DYNC2H1: variants seen among roughly 807,000 people sequenced by gnomAD.
DYNC2H1 encodes cytoplasmic dynein 2 heavy chain 1.
In DYNC2H1, 410 loss-of-function variants were observed where a neutral mutation model predicts 570.0. That is an observed-to-expected ratio of 0.72 (90% confidence interval 0.66 to 0.78). DYNC2H1 has a LOEUF of 0.78. DYNC2H1 is among the 30% of genes least tolerant of loss of function. The probability of loss-of-function intolerance (pLI) is 0.00; values close to 1 mark genes in which losing one functional copy is unlikely to be tolerated. For missense variants in DYNC2H1, 4,865 were observed against 5,046.4 expected (o/e 0.96, Z 1.09); for synonymous variants, 1,688 against 1,677.6 (o/e 1.01, Z -0.15).
In DYNC2H1 at chr11:103,300,070, T is replaced by C. The variant is rs956504021; in HGVS notation, c.11096-3023T>C. On this transcript the variant is annotated intron_variant, in intron 75 of 88. Transcript: ENST00000375735. The stretch of plus-strand genomic sequence containing the variant: ...TCTGATACTTATCAGCTCTTTGTTA[T>C]GGAGGATGAGAGGAATTAAAAAGAA... Among the ~76,000 whole-genome samples the C allele has an allele frequency of 6.6e-5, 10 of 152,176 alleles. No individual in the cohort carries two copies. In the South Asian group the frequency reaches 1.5e-3, roughly 22 times the overall value.
At chr11:103,167,770 A>AT (rs1861392534) in intron 31 of DYNC2H1, among the ~76,000 whole-genome samples, 1 of 152,118 alleles carries the variant, frequency 6.6e-6, no homozygotes, top group Non-Finnish European at 1.5e-5. Flanking sequence ...GAACATTGAT[A>AT]TTTTTGTTTT....
intron 70 of DYNC2H1, among the ~76,000 whole-genome samples, chr11:103,278,395 A>C (rs1397794377): frequency 6.6e-6 from 1 of 152,170 alleles, no homozygotes; most frequent in African/African-American, 2.4e-5. Context: ...TCTAATTATT[A>C]AAATAATGCA....
intron 82 of DYNC2H1, among the ~76,000 whole-genome samples, chr11:103,349,587 G>T (rs1234802243): frequency 6.6e-6 from 1 of 152,130 alleles, no homozygotes; most frequent in Non-Finnish European, 1.5e-5. Flanking sequence ...ATAATGAAGT[G>T]TCAGCCTAGT....
chr11:103,241,662 GCACCATGGTAA>G lies in DYNC2H1; in HGVS notation c.9820-2027_9820-2017del. 1.2e-6 allele frequency: 1 copy of G among 828,024 alleles called. No individual in the cohort carries two copies. The highest frequency in any genetic ancestry group is 1.9e-6 in the Non-Finnish European group (1 of 528,288). 51.3% of individuals were successfully genotyped at this position (828,024 alleles called of 1,614,324 possible). On this transcript the variant is annotated intron_variant, in intron 63 of 88. Transcript: ENST00000375735. The surrounding 1 kb of genome is among the most constrained non-coding windows in gnomAD (Gnocchi z 5.1). ...AAATTAGATCAAAAACCTAGGTGCAGCACCATGGTAACACTTCACAGGCTATTTACTAACCA... is the reference window on the plus strand; with the variant it reads ...AAATTAGATCAAAAACCTAGGTGCAGCACTTCACAGGCTATTTACTAACCA...
intron 82 of DYNC2H1, among the ~76,000 whole-genome samples, chr11:103,340,573 T>C (rs1939394601): frequency 6.6e-6 from 1 of 152,204 alleles, no homozygotes; most frequent in African/African-American, 2.4e-5. Flanking sequence ...AATGAAGTTG[T>C]TCATTTCTTC....
intron 70 of DYNC2H1, among the ~76,000 whole-genome samples, chr11:103,276,130 A>G (rs1291204849): frequency 1.3e-5 from 2 of 151,966 alleles, no homozygotes; most frequent in Non-Finnish European, 2.9e-5. Context: ...ACTTTTTTTT[A>G]CATGGTCACA....
chr11:103,158,847 A>G, intron 27 of DYNC2H1, 38 bp downstream of exon 27: 1 of 1,471,240 alleles, frequency 6.8e-7, no homozygotes, highest in Non-Finnish European at 9.1e-7. Flanking sequence ...ATAAATTGTA[A>G]AGTACTTGAT....
chr11:103,213,396 A>G (rs930580995), intron 54 of DYNC2H1, among the ~76,000 whole-genome samples: 4 of 152,130 alleles, frequency 2.6e-5, no homozygotes, highest in Non-Finnish European at 5.9e-5. Context: ...AGTGTTTTTT[A>G]TTAAGTTCAG....
chr11:103,307,207 A>G (rs1259992334), intron 77 of DYNC2H1, among the ~76,000 whole-genome samples: 1 of 152,170 alleles, frequency 6.6e-6, no homozygotes, highest in African/African-American at 2.4e-5. Context: ...TGAAGTTTTG[A>G]ATTTATATTA....
chr11:103,238,743 T>C (rs144336846), intron 63 of DYNC2H1, among the ~76,000 whole-genome samples: 3 of 152,354 alleles, frequency 2.0e-5, no homozygotes, highest in African/African-American at 7.2e-5. Context: ...AGCTAACTAT[T>C]GAAGTGCATG....
At position 103,194,790 on chromosome 11, in the gene DYNC2H1, T is replaced by G. The variant is rs142663051; in HGVS notation, c.7708+2526T>G. Among the ~76,000 whole-genome samples, 12 of 152,302 alleles carry G rather than the reference T, an allele frequency of 7.9e-5. No homozygotes were observed. In the East Asian group the frequency reaches 2.3e-3, roughly 29 times the overall value. On this transcript the variant is annotated intron_variant, in intron 47 of 88. Coordinates refer to ENST00000375735, the MANE Select transcript of DYNC2H1 (RefSeq NM_001377.3). ...TGGAGTGCAGTGGTGTAATCTCTGC[T>G]CACTGCAACCTCTACCTCCTGGGCT...
chr11:103,139,836 T>A (rs1211171866), intron 17 of DYNC2H1, among the ~76,000 whole-genome samples: 1 of 152,148 alleles, frequency 6.6e-6, no homozygotes, highest in Non-Finnish European at 1.5e-5. Context: ...TCCATTATTA[T>A]TGTGTGGGAG....
intron 88 of DYNC2H1, among the ~76,000 whole-genome samples, chr11:103,477,148 C>T (rs527528531): frequency 8.5e-5 from 13 of 152,142 alleles, no homozygotes; most frequent in South Asian, 4.1e-4. Flanking sequence ...TACTCCAGAG[C>T]CTGAAAATAA....
chr11:103,388,361 G>GCAACTTC (rs1158209064), intron 83 of DYNC2H1, among the ~76,000 whole-genome samples: 1 of 152,220 alleles, frequency 6.6e-6, no homozygotes, highest in African/African-American at 2.4e-5. Flanking sequence ...TTTGTATCCT[G>GCAACTTC]AGACTTTGCT....
At chr11:103,149,730 G>C in intron 20 of DYNC2H1, among the ~76,000 whole-genome samples, 1 of 152,080 alleles carries the variant, frequency 6.6e-6, no homozygotes, top group East Asian at 1.9e-4. Flanking sequence ...GGATGCAGCT[G>C]TGAACATATT....
Position 103,472,376 on chromosome 11 carries a change from A to AT in DYNC2H1, c.12765+3673dup, listed in dbSNP as rs1446419619. ...CCCATCTTTATTAAATAAAAAAAGA[A>AT]TTAAAAAAATTTTTTTTAAAGAATT... On this transcript the variant is annotated intron_variant, in intron 88 of 88. Coordinates refer to ENST00000375735, the MANE Select transcript of DYNC2H1 (RefSeq NM_001377.3). This position sits in a 1 kb window ranked among gnomAD's most constrained non-coding sequence, Gnocchi z 4.1. Among the ~76,000 whole-genome samples the AT allele has an allele frequency of 1.1e-4, 1 of 9,110 alleles. No individual in the cohort carries two copies. Among genetic ancestry groups the AT allele is most frequent in the East Asian group, 0.026 (1 of 38 alleles). The allele number at this position is 9,110 out of a possible 152,430, so 6.0% of individuals were successfully genotyped here.
chr11:103,237,656 A>G (rs1591455205), intron 63 of DYNC2H1, among the ~76,000 whole-genome samples: 1 of 151,926 alleles, frequency 6.6e-6, no homozygotes, highest in Non-Finnish European at 1.5e-5. Flanking sequence ...GCTTTTTATT[A>G]TATTTGTTAT....
rs1370558703 is a variant in DYNC2H1 at position 103,325,054 on chromosome 11, GGCTT to G, written c.12039+1066_12039+1069del. 1.3e-5 allele frequency among the ~76,000 whole-genome samples: 2 copies of G among 151,870 alleles called. No homozygotes were observed. The highest frequency in any genetic ancestry group is 2.9e-5 in the Non-Finnish European group (2 of 67,956). On this transcript the variant is annotated intron_variant, in intron 82 of 88. Transcript: ENST00000375735. This position sits in a 1 kb window ranked among gnomAD's most constrained non-coding sequence, Gnocchi z 4.8. ...CATGTTTTTTGCCCACTTTTTAATGGGCTTGTTTGTTTTTTGCTTGTTAATTTCT... is the reference window on the plus strand; with the variant it reads ...CATGTTTTTTGCCCACTTTTTAATGGGTTTGTTTTTTGCTTGTTAATTTCT...
rs201064673 is a variant in DYNC2H1 at position 103,170,316 on chromosome 11, G to A, written c.5151+26G>A. ...GTAGAATAAATAATTATCAAAATATGTAACAATGGGTTAATCATATTTAGA... is the reference window on the plus strand; with the variant it reads ...GTAGAATAAATAATTATCAAAATATATAACAATGGGTTAATCATATTTAGA... On this transcript the variant is annotated intron_variant, in intron 33 of 88. Transcript: ENST00000375735. The surrounding 1 kb of genome is among the most constrained non-coding windows in gnomAD (Gnocchi z 4.8). 1.8e-5 allele frequency: 27 copies of A among 1,518,116 alleles called. No individual in the cohort carries two copies. In the Admixed American group the frequency reaches 2.1e-4, roughly 12 times the overall value. 94.0% of individuals were successfully genotyped at this position (1,518,116 alleles called of 1,614,324 possible). A position where few individuals can be genotyped will look rare whatever the true frequency, so the allele number is the denominator to read the frequency against.
Sources: gnomAD v4.1 joint callset for allele counts (sites outside exome capture counted in the v4.1 genomes callset) on GRCh38, gnomAD v4.1.1 for gene constraint, Gnocchi (gnomAD v3.1) non-coding constraint, MANE v1.5 for transcripts, NCBI Gene and HGNC (gene_info 2026-07-23, HGNC 2026-07-21) for gene names.